The following AGMO variants were observed in gnomAD, a reference collection of about 807,000 sequenced individuals.
AGMO encodes glyceryl-ether monooxygenase.
Under a neutral mutation model 60.2 loss-of-function variants are expected in AGMO, and 75 were observed. That is an observed-to-expected ratio of 1.25 (90% confidence interval 1.03 to 1.51). The LOEUF is 1.51. Among genes scored for constraint, AGMO ranks in the 40% most tolerant of loss-of-function variants. AGMO has a pLI of 0.00. For synonymous variants in AGMO, 261 were observed against 177.1 expected, an observed-to-expected ratio of 1.47 and a Z score of -3.76; for missense variants, 763 against 525.5, an observed-to-expected ratio of 1.45 and a Z score of -4.42.
chr7:15,375,423 T>G (rs1783411965), intron 10 of AGMO, among the ~76,000 whole-genome samples: 2 of 131,088 alleles, frequency 1.5e-5, no homozygotes, highest in Non-Finnish European at 1.6e-5. Context: ...TGAGACAGAG[T>G]CTTGCTCTGT....
chr7:15,368,723 C>CA (rs1338354634), intron 10 of AGMO, among the ~76,000 whole-genome samples: 1 of 152,088 alleles, frequency 6.6e-6, no homozygotes, highest in African/African-American at 2.4e-5. Flanking sequence ...AACTGAGAAG[C>CA]ATAAATAGAA....
At chr7:15,216,828 GAAAA>G (rs1235924434) in intron 12 of AGMO, among the ~76,000 whole-genome samples, 10 of 124,404 alleles carry the variant, frequency 8.0e-5, no homozygotes, top group African/African-American at 3.0e-4. Flanking sequence ...CAAAGTGAAA[GAAAA>G]AGTGTGTGTG....
intron 12 of AGMO, among the ~76,000 whole-genome samples, chr7:15,223,056 G>A (rs1781971060): frequency 6.6e-6 from 1 of 151,924 alleles, no homozygotes; most frequent in Admixed American, 6.6e-5. Flanking sequence ...AGCATTTCAT[G>A]TAGTTTAGTT....
chr7:15,524,943 T>C (rs967438314), intron 3 of AGMO, among the ~76,000 whole-genome samples: 2 of 151,928 alleles, frequency 1.3e-5, no homozygotes, highest in African/African-American at 4.8e-5. Flanking sequence ...TAGAATTATA[T>C]GTATGTAAAA....
chr7:15,513,779 C>A (rs1420815326), intron 3 of AGMO, among the ~76,000 whole-genome samples: 1 of 152,114 alleles, frequency 6.6e-6, no homozygotes, highest in Non-Finnish European at 1.5e-5. Flanking sequence ...AAGAGGAAAC[C>A]ATTGCTAAAG....
chr7:15,432,143 A>C (rs1781260127), intron 3 of AGMO, among the ~76,000 whole-genome samples: 1 of 151,640 alleles, frequency 6.6e-6, no homozygotes, highest in African/African-American at 2.4e-5. Context: ...TTGCCAGTAT[A>C]GGTTAGAAAT....
chr7:15,173,925 AT>A, the AGMO span, among the ~76,000 whole-genome samples: 1 of 149,938 alleles, frequency 6.7e-6, no homozygotes, highest in East Asian at 2.0e-4. Flanking sequence ...TTTTGATTTT[AT>A]TTTTAAAATT....
At chr7:15,270,401 G>T (rs776583626) in intron 12 of AGMO, among the ~76,000 whole-genome samples, 1 of 151,816 alleles carries the variant, frequency 6.6e-6, no homozygotes, top group Non-Finnish European at 1.5e-5. Context: ...TCATATGTTT[G>T]TTGGCCACTT....
intron 3 of AGMO, among the ~76,000 whole-genome samples, chr7:15,516,449 A>C (rs1359479716): frequency 1.3e-5 from 2 of 152,160 alleles, no homozygotes; most frequent in African/African-American, 4.8e-5. Context: ...ACCTTTACTG[A>C]ACTGGTTTTA....
rs181969102 is a variant in AGMO, at chr7:15,284,814, A to T, written c.1263+80700T>A. 4.5e-4 allele frequency among the ~76,000 whole-genome samples: 69 copies of T among 152,242 alleles called. No homozygotes were observed. In the East Asian group the frequency reaches 8.9e-3, roughly 20 times the overall value. On this transcript the variant is annotated intron_variant, in intron 12 of 12. Coordinates refer to ENST00000342526, the MANE Select transcript of AGMO (RefSeq NM_001004320.2). ...AGACCAATATCCCTGATAAATACAG[A>T]TGCAAAAATCCTCAATAGAATACTA...
At chr7:15,398,871 A>C (rs765537905) in intron 5 of AGMO, among the ~76,000 whole-genome samples, 2 of 152,196 alleles carry the variant, frequency 1.3e-5, no homozygotes, top group Non-Finnish European at 2.9e-5. Flanking sequence ...ATCAGCTTGG[A>C]ATAAGCCATA....
At chr7:15,368,677 G>T (rs960787617) in intron 10 of AGMO, among the ~76,000 whole-genome samples, 1 of 152,050 alleles carries the variant, frequency 6.6e-6, no homozygotes, top group Non-Finnish European at 1.5e-5. Flanking sequence ...ACTATGTTCA[G>T]GAGCTTAGGC....
intron 3 of AGMO, among the ~76,000 whole-genome samples, chr7:15,436,290 T>G (rs1436018422): frequency 6.7e-6 from 1 of 149,510 alleles, no homozygotes; most frequent in Non-Finnish European, 1.5e-5. Flanking sequence ...ACAGTCCCTG[T>G]GCAAGTCCAA....
chr7:15,474,759 C>G (rs143569946), intron 3 of AGMO, among the ~76,000 whole-genome samples: 1,833 of 152,142 alleles, frequency 0.012, 36 homozygotes, highest in African/African-American at 0.042. Context: ...AGTGAACAGA[C>G]AACCTACAGA....
intron 12 of AGMO, among the ~76,000 whole-genome samples, chr7:15,212,247 T>TACACACACACACACACAC: frequency 6.8e-6 from 1 of 146,382 alleles, no homozygotes; most frequent in Admixed American, 6.9e-5. Context: ...AGGTGTGGAG[T>TACACACACACACACACAC]ACACACACAC....
intron 4 of AGMO, among the ~76,000 whole-genome samples, chr7:15,421,783 G>A (rs1046353640): frequency 1.3e-5 from 2 of 152,096 alleles, no homozygotes; most frequent in Non-Finnish European, 2.9e-5. Context: ...TACATCTCAG[G>A]GAATCAGGAA....
chr7:15,301,336 G>A (rs559904132), intron 12 of AGMO, among the ~76,000 whole-genome samples: 1 of 152,228 alleles, frequency 6.6e-6, no homozygotes, highest in East Asian at 1.9e-4. Flanking sequence ...CAACTCGGGA[G>A]GCTGTGGCAG....
At chr7:15,342,873 C>T (rs1018229231) in intron 12 of AGMO, among the ~76,000 whole-genome samples, 2 of 149,590 alleles carry the variant, frequency 1.3e-5, no homozygotes, top group South Asian at 4.2e-4. Context: ...ATTCTCTGGG[C>T]CTCAATATCC....
At chr7:15,358,515 G>C (rs960757640) in intron 12 of AGMO, 1 of 450,850 alleles carries the variant, frequency 2.2e-6, no homozygotes, top group Non-Finnish European at 4.6e-6. Flanking sequence ...GAATTAGGAG[G>C]GTAAGAATCC....
Sources: allele counts gnomAD v4.1 joint callset (sites outside exome capture counted in the v4.1 genomes callset), GRCh38; gene constraint gnomAD v4.1.1; transcripts MANE v1.5; gene names NCBI Gene and HGNC (gene_info 2026-07-23, HGNC 2026-07-21).